Variants in STAG1 observed in about 807,000 individuals in gnomAD.
STAG1 encodes cohesin subunit SA-1.
STAG1 carries 26 observed loss-of-function variants against 170.9 expected under a neutral mutation model. The ratio of observed to expected loss-of-function variants is 0.15; its 90% confidence interval spans 0.11 to 0.21. The LOEUF (loss-of-function observed/expected upper bound fraction) is 0.21. STAG1 is among the 10% of genes least tolerant of loss of function. The pLI, the probability that STAG1 is intolerant of heterozygous loss-of-function variation, is 1.00. For synonymous variants in STAG1, 514 were observed against 497.7 expected (o/e 1.03, Z -0.44); for missense variants, 964 against 1,509.5 (o/e 0.64, Z 5.99).
chr3:136,658,368 C>T (rs981834624), intron 1 of STAG1, among the ~76,000 whole-genome samples: 1 of 151,556 alleles, frequency 6.6e-6, no homozygotes, highest in African/African-American at 2.4e-5. Flanking sequence ...TGTAATATTC[C>T]TGAGTGTTAC....
rs75049411 is a variant in STAG1 at position 136,419,265 on chromosome 3, T to C, written c.2109-1293A>G. On this transcript the variant is annotated intron_variant, in intron 20 of 33. Transcript: ENST00000383202. ...GAATTCTAAAAAAAATTTACTTGTA[T>C]ATAAAGGCTTAGATTTTGGAAACTG... 3.0e-4 allele frequency among the ~76,000 whole-genome samples: 45 copies of C among 152,318 alleles called. No homozygotes were observed. In the East Asian group the frequency reaches 8.1e-3, roughly 27 times the overall value.
In STAG1 at chr3:136,369,294, A is replaced by T; in HGVS notation, c.2371-12T>A. On this transcript the variant is annotated splice_polypyrimidine_tract_variant and intron_variant, in intron 23 of 33. Coordinates refer to ENST00000383202, the MANE Select transcript of STAG1 (RefSeq NM_005862.3). Reference sequence around the variant, plus strand: ...AGTAACATGAAAGCCTGGAATACAAAGGCAATTTATCAGCAAAATATTACA... The same window carrying T: ...AGTAACATGAAAGCCTGGAATACAATGGCAATTTATCAGCAAAATATTACA... The T allele has an allele frequency of 6.4e-7, 1 of 1,566,774 alleles. No homozygotes were observed. Among genetic ancestry groups the T allele is most frequent in the East Asian group, 2.3e-5 (1 of 42,592 alleles).
intron 22 of STAG1, among the ~76,000 whole-genome samples, chr3:136,394,678 T>C (rs1322567527): frequency 1.3e-5 from 2 of 151,514 alleles, no homozygotes; most frequent in Admixed American, 1.3e-4. Context: ...TCCCAGCAAT[T>C]TGGGAGGCGA....
intron 1 of STAG1, among the ~76,000 whole-genome samples, chr3:136,695,867 CG>C (rs571444211): frequency 2.2e-3 from 150 of 69,536 alleles, no homozygotes; most frequent in African/African-American, 7.7e-3. Flanking sequence ...AGTTCTGGGG[CG>C]GGGGGATGGG....
chr3:136,746,403 G>A (rs940487388), intron 1 of STAG1, among the ~76,000 whole-genome samples: 1 of 151,758 alleles, frequency 6.6e-6, no homozygotes, highest in South Asian at 2.1e-4. Flanking sequence ...TGGGTCACCT[G>A]TAAAATAAAC....
intron 16 of STAG1, among the ~76,000 whole-genome samples, chr3:136,430,626 T>TAAAAAAAA (rs11311172): frequency 7.6e-6 from 1 of 131,734 alleles, no homozygotes; most frequent in Non-Finnish European, 1.6e-5. Context: ...CTGAAGAGCT[T>TAAAAAAAA]AAAAAAAAAA....
At position 136,527,878 on chromosome 3, in the gene STAG1, C is replaced by A. The variant is rs534458418; in HGVS notation, c.472-6461G>T. 2.6e-5 allele frequency among the ~76,000 whole-genome samples: 4 copies of A among 152,322 alleles called. No homozygotes were observed. The East Asian group carries it at 7.7e-4, about 29-fold the overall frequency. ...CAGACCCTGTTTTCCTGGGTATCAG[C>A]AGCGGATGCTGCAGAACAGTGAATA... On this transcript the variant is annotated intron_variant, in intron 6 of 33. Transcript: ENST00000383202.
intron 3 of STAG1, among the ~76,000 whole-genome samples, chr3:136,622,285 C>CT (rs1255979169): frequency 6.6e-6 from 1 of 152,034 alleles, no homozygotes; most frequent in African/African-American, 2.4e-5. Context: ...TGCCATTGCA[C>CT]TCCAGCCTGG....
chr3:136,438,547 C>T (rs1306939135), intron 15 of STAG1, among the ~76,000 whole-genome samples: 1 of 152,052 alleles, frequency 6.6e-6, no homozygotes, highest in Non-Finnish European at 1.5e-5. Flanking sequence ...AGTTTCTTGG[C>T]TCACAGGTGG....
At chr3:136,341,722 G>GT (rs1335701925) in intron 30 of STAG1, among the ~76,000 whole-genome samples, 171 bp from the exon 31 acceptor site, 1 of 152,214 alleles carries the variant, frequency 6.6e-6, no homozygotes, top group East Asian at 1.9e-4. Flanking sequence ...AAAGATATCT[G>GT]TAAGTCTCCA....
intron 1 of STAG1, among the ~76,000 whole-genome samples, chr3:136,670,863 T>C (rs1462149614): frequency 2.0e-5 from 3 of 152,210 alleles, no homozygotes; most frequent in Non-Finnish European, 4.4e-5. Context: ...CCACCTGAGA[T>C]TTCAATAATG....
At chr3:136,545,663 C>A (rs1361951598) in intron 5 of STAG1, among the ~76,000 whole-genome samples, 3 of 151,684 alleles carry the variant, frequency 2.0e-5, no homozygotes, top group Non-Finnish European at 4.4e-5. Context: ...CAAGCTTAAT[C>A]GTAAATATCT....
At chr3:136,637,075 A>C (rs1280095214) in intron 1 of STAG1, among the ~76,000 whole-genome samples, 1 of 152,224 alleles carries the variant, frequency 6.6e-6, no homozygotes, top group African/African-American at 2.4e-5. Context: ...CCCAGCAAGC[A>C]ATCTATTTTT....
chr3:136,426,040 A>G (rs1007729043), intron 16 of STAG1, among the ~76,000 whole-genome samples: 7 of 151,262 alleles, frequency 4.6e-5, no homozygotes, highest in Admixed American at 3.3e-4. Context: ...TTGGAACTAC[A>G]TGGTTCATTT....
intron 1 of STAG1, among the ~76,000 whole-genome samples, chr3:136,636,125 G>A (rs907642993): frequency 2.0e-5 from 3 of 151,960 alleles, no homozygotes; most frequent in Admixed American, 6.6e-5. Flanking sequence ...GTACGCGCCT[G>A]TAATCCCAGC....
chr3:136,385,512 G>C (rs1357864135), intron 22 of STAG1, among the ~76,000 whole-genome samples: 1 of 152,188 alleles, frequency 6.6e-6, no homozygotes, highest in Non-Finnish European at 1.5e-5. Flanking sequence ...AGATCACACT[G>C]AGATGTAAAT....
intron 9 of STAG1, among the ~76,000 whole-genome samples, chr3:136,492,622 G>A (rs1325522217): frequency 6.6e-6 from 1 of 152,208 alleles, no homozygotes; most frequent in African/African-American, 2.4e-5. Context: ...AACACAAGAT[G>A]AGCCCTAAGA....
intron 6 of STAG1, among the ~76,000 whole-genome samples, chr3:136,538,838 TA>T (rs1373662539): frequency 6.6e-6 from 1 of 152,100 alleles, no homozygotes; most frequent in Non-Finnish European, 1.5e-5. Context: ...GATTATAGTT[TA>T]AAAAATGTTT....
intron 1 of STAG1, among the ~76,000 whole-genome samples, chr3:136,635,129 G>A (rs1940501921): frequency 6.6e-6 from 1 of 152,296 alleles, no homozygotes; most frequent in Non-Finnish European, 1.5e-5. Context: ...TTCATTCTGT[G>A]AGGCATTTCT....
Sources: gnomAD v4.1 joint callset for allele counts (sites outside exome capture counted in the v4.1 genomes callset) on GRCh38, gnomAD v4.1.1 for gene constraint, MANE v1.5 for transcripts, NCBI Gene and HGNC (gene_info 2026-07-23, HGNC 2026-07-21) for gene names.